MUSK: variants seen among roughly 807,000 people sequenced by gnomAD.
MUSK encodes the protein muscle, skeletal receptor tyrosine-protein kinase.
Under a neutral mutation model 88.7 loss-of-function variants are expected in MUSK, and 55 were observed. That is an observed-to-expected ratio of 0.62 (90% CI 0.50 to 0.78). The LOEUF (loss-of-function observed/expected upper bound fraction) is 0.78. Among genes scored for constraint, MUSK ranks in the 30% least tolerant of loss-of-function variants. The pLI, the probability that MUSK is intolerant of heterozygous loss-of-function variation, is 0.00. For missense variants in MUSK, 1,015 were observed against 1,074.3 expected, an observed-to-expected ratio of 0.94 and a Z score of 0.77; for synonymous variants, 387 against 391.9, an observed-to-expected ratio of 0.99 and a Z score of 0.15.
In MUSK at chr9:110,734,288, T is replaced by C. The variant is rs56044404; in HGVS notation, c.666T>C (p.Asn222=). ...ARILRAPESH[N]VTFGSFVTLH... Reference sequence around the variant, plus strand: ...TCCTGCGGGCTCCTGAATCCCACAATGTCACCTTTGGCTCCTTTGTGACCC... The same window carrying C: ...TCCTGCGGGCTCCTGAATCCCACAACGTCACCTTTGGCTCCTTTGTGACCC... Residue 222 remains asparagine (N), a synonymous_variant, in exon 6 of 15, where the codon AAT becomes AAC. Coordinates refer to ENST00000374448, the MANE Select transcript of MUSK (RefSeq NM_005592.4). 2.9e-3 allele frequency: 4,605 copies of C among 1,613,162 alleles called. 5 individuals carry two copies. The highest frequency in any genetic ancestry group is 3.5e-3 in the Non-Finnish European group (4,120 of 1,179,428).
At chr9:110,761,720 G>A (rs1418743912) in intron 7 of MUSK, among the ~76,000 whole-genome samples, 5 of 151,544 alleles carry the variant, frequency 3.3e-5, no homozygotes, top group African/African-American at 1.2e-4. Context: ...GATTACAGGC[G>A]CCCGCCACCT....
At chr9:110,681,965 A>G (rs1220876157) in intron 1 of MUSK, among the ~76,000 whole-genome samples, 1 of 152,170 alleles carries the variant, frequency 6.6e-6, no homozygotes, top group Non-Finnish European at 1.5e-5. Context: ...GAAAAAAGAA[A>G]GGACGATGTC....
chr9:110,785,627 C>A lies in MUSK; in HGVS notation c.1687C>A (p.Pro563Thr), dbSNP rs778537975. ...MYQRMPLLLN[P>T]KLLSLEYPRN... ...CCAGAGGATGCCGCTCCTTCTGAAC[C>A]CCAAATTGCTCAGCCTGGAGTATCC... The change falls in exon 13 of 15, where the codon CCC becomes ACC. Residue 563 changes from proline (P) to threonine (T), a missense_variant. Coordinates refer to ENST00000374448, the MANE Select transcript of MUSK (RefSeq NM_005592.4). 2.5e-6 allele frequency: 4 copies of A among 1,613,122 alleles called. No homozygotes were observed. In the South Asian group the frequency reaches 4.4e-5, roughly 18 times the overall value.
chr9:110,785,557 GC>G lies in MUSK; in HGVS notation c.1619del (p.Pro540LeufsTer6), dbSNP rs748386357. 1 of 1,611,878 alleles carries G rather than the reference GC, an allele frequency of 6.2e-7. No individual in the cohort carries two copies. Among genetic ancestry groups the G allele is most frequent in the Non-Finnish European group, 8.5e-7 (1 of 1,178,730 alleles). On this transcript the variant is annotated frameshift_variant, in exon 13 of 15. Transcript: ENST00000374448. LOFTEE classifies it high-confidence loss of function. ...ESAAVTLTTL[P>X]SELLLDRLHP... ...CAGCAGCAGTAACCCTCACCACACT[GC>G]CTTCTGAGCTCTTACTAGATAGACT...
rs371436678 is a variant in MUSK at position 110,684,734 on chromosome 9, C to G, written c.206+1934C>G. ...CCTAGCTATTTAATTTTATGTGTGG[C>G]TATTGTAAATAGGATTATTTTTAAA... is the stretch of plus-strand genomic sequence containing the variant. On this transcript the variant is annotated intron_variant, in intron 2 of 14. Transcript: ENST00000374448. Among the ~76,000 whole-genome samples, 133 of 151,902 alleles carry G rather than the reference C, an allele frequency of 8.8e-4. 3 individuals are homozygous for G. In the South Asian group the frequency reaches 0.021, roughly 24 times the overall value.
At chr9:110,688,069 A>C (rs1028139651) in intron 3 of MUSK, among the ~76,000 whole-genome samples, 45 of 152,080 alleles carry the variant, frequency 3.0e-4, no homozygotes, top group African/African-American at 1.1e-3. Flanking sequence ...CCCAGCCCTC[A>C]GTGTTGCTTT....
chr9:110,770,370 G>T (rs1266778911), intron 9 of MUSK, among the ~76,000 whole-genome samples: 2 of 144,076 alleles, frequency 1.4e-5, no homozygotes, highest in South Asian at 2.1e-4. Context: ...TACTTAATAT[G>T]ATATAACTAA....
At chr9:110,766,391 T>C (rs2077486195) in intron 8 of MUSK, among the ~76,000 whole-genome samples, 1 of 152,176 alleles carries the variant, frequency 6.6e-6, no homozygotes, top group Non-Finnish European at 1.5e-5. Flanking sequence ...TTTTGTGGAG[T>C]TTTGTGCTTT....
At chr9:110,759,219 C>T (rs1041480707) in intron 7 of MUSK, among the ~76,000 whole-genome samples, 1 of 152,176 alleles carries the variant, frequency 6.6e-6, no homozygotes, top group Non-Finnish European at 1.5e-5. Flanking sequence ...CTGGCAAAAA[C>T]AGGCAATGGG....
chr9:110,724,521 C>T (rs563643169), intron 5 of MUSK, among the ~76,000 whole-genome samples: 5 of 152,106 alleles, frequency 3.3e-5, no homozygotes, highest in Admixed American at 6.6e-5. Context: ...GTTCTGACTA[C>T]GATACTATGA....
rs1376836431 is a variant in MUSK at position 110,784,675 on chromosome 9, A to G, written c.1385-140A>G. ...TTTACTTACAACTAGACCTTACTGA[A>G]CTTTATAAATATATAACCAGGGAGA... On this transcript the variant is annotated intron_variant, in intron 11 of 14. Coordinates refer to ENST00000374448, the MANE Select transcript of MUSK (RefSeq NM_005592.4). The G allele has an allele frequency of 1.1e-5, 7 of 621,064 alleles. No homozygotes were observed. In the East Asian group the frequency reaches 1.7e-4, roughly 15 times the overall value. 38.5% of individuals were successfully genotyped at this position (621,064 alleles called of 1,614,324 possible). A position where few individuals can be genotyped will look rare whatever the true frequency, so the allele number is the denominator to read the frequency against.
At chr9:110,695,628 A>G in intron 4 of MUSK, 98 bp downstream of exon 4, 1 of 991,774 alleles carries the variant, frequency 1.0e-6, no homozygotes, top group Non-Finnish European at 1.5e-6. Context: ...TTCTAGTATA[A>G]AGTAGTTTCC....
chr9:110,774,731 GAAT>G (rs2077638481), intron 9 of MUSK, among the ~76,000 whole-genome samples: 1 of 151,910 alleles, frequency 6.6e-6, no homozygotes, highest in African/African-American at 2.4e-5. Flanking sequence ...CTTCATATAA[GAAT>G]ATATTTGCAT....
At chr9:110,716,566 G>T (rs2076746125) in intron 5 of MUSK, among the ~76,000 whole-genome samples, 1 of 149,642 alleles carries the variant, frequency 6.7e-6, no homozygotes, top group African/African-American at 2.5e-5. Context: ...ATACCAAACT[G>T]CATTTGGAAT....
chr9:110,679,744 AAT>A (rs2076083393), intron 1 of MUSK, among the ~76,000 whole-genome samples: 1 of 151,980 alleles, frequency 6.6e-6, no homozygotes, highest in South Asian at 2.1e-4. Context: ...AGTAACCATT[AAT>A]AAGGTTTTAA....
chr9:110,733,187 G>A (rs953990489), intron 5 of MUSK, among the ~76,000 whole-genome samples: 1 of 152,074 alleles, frequency 6.6e-6, no homozygotes, highest in Non-Finnish European at 1.5e-5. Flanking sequence ...TATACTTACA[G>A]TATAATAGGC....
At position 110,687,029 on chromosome 9, in the gene MUSK, A is replaced by T. The variant is rs2076204546; in HGVS notation, c.207-88A>T. On this transcript the variant is annotated intron_variant, in intron 2 of 14. Transcript: ENST00000374448. ...CCTCTCACCTTTATTCTACTTCCTCATTAACAAGTCATCGGTTTGATACAT... is the reference window on the plus strand; with the variant it reads ...CCTCTCACCTTTATTCTACTTCCTCTTTAACAAGTCATCGGTTTGATACAT... 2.2e-6 allele frequency: 3 copies of T among 1,353,310 alleles called. No individual in the cohort carries two copies. The Admixed American group carries it at 6.2e-5, about 28-fold the overall frequency. The allele number at this position is 1,353,310 out of a possible 1,614,324, so 83.8% of individuals were successfully genotyped here. A position where few individuals can be genotyped will look rare whatever the true frequency, so the allele number is the denominator to read the frequency against.
intron 6 of MUSK, among the ~76,000 whole-genome samples, chr9:110,741,393 C>T (rs10980549): frequency 2.0e-5 from 3 of 151,854 alleles, no homozygotes; most frequent in African/African-American, 4.8e-5. Flanking sequence ...AAGCAGGGTG[C>T]CCTAGGAAGA....
At chr9:110,775,363 C>T (rs2077650811) in intron 9 of MUSK, 2 of 240,528 alleles carry the variant, frequency 8.3e-6, no homozygotes, top group South Asian at 1.1e-4. Flanking sequence ...CCATTAGCCC[C>T]AAGATCATAG....
Sources: gnomAD v4.1 joint callset for allele counts (sites outside exome capture counted in the v4.1 genomes callset) on GRCh38, gnomAD v4.1.1 for gene constraint, MANE v1.5 for transcripts, NCBI Gene and HGNC (gene_info 2026-07-23, HGNC 2026-07-21) for gene names.